The following SHC3 variants were observed in gnomAD, a reference collection of about 807,000 sequenced individuals.
SHC3 encodes the protein SHC adaptor protein 3.
A neutral mutation model predicts 60.4 loss-of-function variants in SHC3; 15 were observed. That is an observed-to-expected ratio of 0.25 (90% confidence interval 0.17 to 0.38). The LOEUF (loss-of-function observed/expected upper bound fraction) is 0.38, where lower values mean the gene tolerates loss of function less well. SHC3 is among the 10% of genes least tolerant of loss of function. The pLI is 1.00. For synonymous variants in SHC3, 294 were observed against 325.9 expected (o/e 0.90, Z 1.05); for missense variants, 677 against 786.1 (o/e 0.86, Z 1.66).
chr9:89,169,553 G>A (rs571109088), intron 1 of SHC3, among the ~76,000 whole-genome samples: 1 of 152,122 alleles, frequency 6.6e-6, no homozygotes, highest in Non-Finnish European at 1.5e-5. Context: ...TTCCCACTGC[G>A]TGAGGAGGGC....
In SHC3 at chr9:89,161,279, G is replaced by A. The variant is rs116071659; in HGVS notation, c.474+16708C>T. Among the ~76,000 whole-genome samples, 5 of 152,202 alleles carry A rather than the reference G, an allele frequency of 3.3e-5. No homozygotes were observed. In the South Asian group the frequency reaches 6.2e-4, roughly 19 times the overall value. On this transcript the variant is annotated intron_variant, in intron 1 of 11. Coordinates refer to ENST00000375835, the MANE Select transcript of SHC3 (RefSeq NM_016848.6). The stretch of plus-strand genomic sequence containing the variant: ...TTCTGGCGATAGCAAGTGAATTCTC[G>A]TGAGATCTGGTCATTTAAAAGTGTA...
chr9:89,030,160 G>T lies in SHC3; in HGVS notation c.1656+7833C>A, dbSNP rs12351029. On this transcript the variant is annotated intron_variant, in intron 11 of 11. Transcript: ENST00000375835. ...GGGGGACATTTCACATTAATAAAAG[G>T]TATATCCATCAGGGAGATACAAAAG... Among the ~76,000 whole-genome samples, 688 of 152,206 alleles carry T rather than the reference G, an allele frequency of 4.5e-3. 5 individuals are homozygous for T. The highest frequency in any genetic ancestry group is 0.016 in the African/African-American group (662 of 41,520).
intron 1 of SHC3, among the ~76,000 whole-genome samples, chr9:89,159,165 A>G (rs1294764044): frequency 2.6e-5 from 4 of 152,240 alleles, no homozygotes; most frequent in Non-Finnish European, 4.4e-5. Flanking sequence ...GAGTAGTGAT[A>G]TCTTAGACAA....
chr9:89,155,978 A>G (rs7871034), intron 1 of SHC3, among the ~76,000 whole-genome samples: 562 of 152,296 alleles, frequency 3.7e-3, no homozygotes, highest in African/African-American at 0.013. Context: ...AAACCCATGA[A>G]TCTATACCCA....
intron 1 of SHC3, among the ~76,000 whole-genome samples, chr9:89,149,483 ACC>A (rs996160859): frequency 7.2e-5 from 11 of 152,084 alleles, no homozygotes; most frequent in African/African-American, 2.7e-4. Context: ...ATCTCTCTGC[ACC>A]CCTCTTCCTA....
chr9:89,014,087 C>T (rs1013714004), intron 11 of SHC3, among the ~76,000 whole-genome samples: 2 of 152,204 alleles, frequency 1.3e-5, no homozygotes, highest in African/African-American at 4.8e-5. Flanking sequence ...ACATCCTGGG[C>T]ACCCACCAGG....
chr9:89,152,134 G>C (rs1196738615), intron 1 of SHC3, among the ~76,000 whole-genome samples: 1 of 152,160 alleles, frequency 6.6e-6, no homozygotes, highest in East Asian at 1.9e-4. Flanking sequence ...TGGAAAATTA[G>C]AGTTAAAGAT....
chr9:89,148,524 C>T (rs1826502404), intron 1 of SHC3, among the ~76,000 whole-genome samples: 1 of 152,174 alleles, frequency 6.6e-6, no homozygotes, highest in African/African-American at 2.4e-5. Context: ...TGTTTCCTGT[C>T]TAGAGCAATA....
chr9:89,067,058 G>C (rs1448399732), intron 5 of SHC3, among the ~76,000 whole-genome samples: 1 of 152,182 alleles, frequency 6.6e-6, no homozygotes, highest in African/African-American at 2.4e-5. Flanking sequence ...CAGCTAAGCT[G>C]TTTTCTTTTC....
chr9:89,036,634 T>A (rs1329035793), intron 11 of SHC3, among the ~76,000 whole-genome samples: 1 of 152,194 alleles, frequency 6.6e-6, no homozygotes, highest in African/African-American at 2.4e-5. Flanking sequence ...ACAGTAATGA[T>A]CTGATAAACA....
chr9:89,035,116 A>C (rs1331987711), intron 11 of SHC3, among the ~76,000 whole-genome samples: 1 of 152,168 alleles, frequency 6.6e-6, no homozygotes, highest in East Asian at 1.9e-4. Flanking sequence ...GGGTTCCCAG[A>C]GCTCAGGGCC....
chr9:89,031,163 G>GA (rs1824480798), intron 11 of SHC3, among the ~76,000 whole-genome samples: 1 of 152,160 alleles, frequency 6.6e-6, no homozygotes, highest in African/African-American at 2.4e-5. Flanking sequence ...TAGGATTTCA[G>GA]ATGTGAGCCA....
intron 6 of SHC3, among the ~76,000 whole-genome samples, chr9:89,063,846 C>T (rs1825131757): frequency 6.6e-6 from 1 of 152,254 alleles, no homozygotes; most frequent in Admixed American, 6.5e-5. Context: ...GGTGGGAACA[C>T]AGAGTGAGTA....
intron 1 of SHC3, among the ~76,000 whole-genome samples, chr9:89,171,174 C>A (rs1341867091): frequency 1.3e-5 from 2 of 152,082 alleles, no homozygotes; most frequent in African/African-American, 4.8e-5. Context: ...TATACAGTAC[C>A]TCTGCTAAAT....
intron 1 of SHC3, among the ~76,000 whole-genome samples, chr9:89,131,876 C>G (rs1003138259): frequency 6.6e-6 from 1 of 152,134 alleles, no homozygotes; most frequent in Non-Finnish European, 1.5e-5. Context: ...TCTCACCACT[C>G]CTATTCAACA....
chr9:89,173,036 T>A (rs909542759), intron 1 of SHC3, among the ~76,000 whole-genome samples: 2 of 152,206 alleles, frequency 1.3e-5, no homozygotes, highest in Non-Finnish European at 2.9e-5. Flanking sequence ...ACAATACAGA[T>A]GCCACCATTT....
chr9:89,057,142 C>T (rs931931642), intron 6 of SHC3, among the ~76,000 whole-genome samples: 9 of 152,154 alleles, frequency 5.9e-5, no homozygotes, highest in East Asian at 1.9e-4. Context: ...TCAACAAGGA[C>T]GGCTGTCTTT....
chr9:89,132,486 A>G (rs1223954393), intron 1 of SHC3, among the ~76,000 whole-genome samples: 1 of 152,224 alleles, frequency 6.6e-6, no homozygotes, highest in Non-Finnish European at 1.5e-5. Flanking sequence ...AGCTGGAGGC[A>G]TCATACTACC....
chr9:89,086,001 T>C (rs1825523760), intron 2 of SHC3, among the ~76,000 whole-genome samples: 1 of 152,220 alleles, frequency 6.6e-6, no homozygotes, highest in Non-Finnish European at 1.5e-5. Context: ...GTGGGGGCTT[T>C]CTGTGAGGGT....
Sources: allele counts gnomAD v4.1 joint callset (sites outside exome capture counted in the v4.1 genomes callset), GRCh38; gene constraint gnomAD v4.1.1; transcripts MANE v1.5; gene names NCBI Gene and HGNC (gene_info 2026-07-23, HGNC 2026-07-21).